Variants in HLCS observed in about 807,000 individuals in gnomAD.
HLCS encodes holocarboxylase synthetase.
In HLCS, 53 loss-of-function variants were observed where a neutral mutation model predicts 75.0. The ratio of observed to expected loss-of-function variants is 0.71; its 90% CI spans 0.57 to 0.89. HLCS has a LOEUF of 0.89. Ranked by LOEUF, HLCS falls within the 40% of genes least tolerant of loss-of-function variation. The probability of loss-of-function intolerance (pLI) is 0.00; values close to 1 mark genes in which losing one functional copy is unlikely to be tolerated. For missense variants in HLCS, 966 were observed against 1,074.0 expected, an observed-to-expected ratio of 0.90 and a Z score of 1.41; for synonymous variants, 431 against 428.6, an observed-to-expected ratio of 1.01 and a Z score of -0.07.
chr21:36,900,197 G>A lies in HLCS; in HGVS notation c.1621-3066C>T, dbSNP rs566788205. ...AATGTTAGAGAGTAACACGTACAAA[G>A]GAGGGACAAGAAAGCACAGAAGAGA... On this transcript the variant is annotated intron_variant, in intron 5 of 10. Coordinates refer to ENST00000674895, the MANE Select transcript of HLCS (RefSeq NM_001352514.2). 3.3e-5 allele frequency among the ~76,000 whole-genome samples: 5 copies of A among 152,268 alleles called. No individual in the cohort carries two copies. The South Asian group carries it at 1.0e-3, about 32-fold the overall frequency.
At chr21:36,881,396 G>A (rs1325874512) in intron 6 of HLCS, among the ~76,000 whole-genome samples, 7 of 152,160 alleles carry the variant, frequency 4.6e-5, no homozygotes, top group African/African-American at 9.7e-5. Flanking sequence ...GAACTCATTC[G>A]ACTTTCCCTG....
intron 5 of HLCS, among the ~76,000 whole-genome samples, chr21:36,927,298 G>A (rs1050193006): frequency 6.6e-6 from 1 of 152,154 alleles, no homozygotes; most frequent in African/African-American, 2.4e-5. Context: ...GTTTTATAGT[G>A]GGAATCACAC....
rs79380384 is a variant in HLCS at position 36,804,658 on chromosome 21, C to T, written c.1893-37373G>A. On this transcript the variant is annotated intron_variant, in intron 6 of 10. Transcript: ENST00000674895. ...CCTCCTGCCATCCCCATCTCTCTGACCCTCTGTGGTCCTCAAAGGGCATTT... is the reference window on the plus strand; with the variant it reads ...CCTCCTGCCATCCCCATCTCTCTGATCCTCTGTGGTCCTCAAAGGGCATTT... Among the ~76,000 whole-genome samples the T allele has an allele frequency of 5.6e-4, 86 of 152,264 alleles. No individual in the cohort carries two copies. In the East Asian group the frequency reaches 0.014, roughly 26 times the overall value.
At chr21:36,888,677 G>A (rs2146302346) in intron 6 of HLCS, among the ~76,000 whole-genome samples, 1 of 151,402 alleles carries the variant, frequency 6.6e-6, no homozygotes, top group Admixed American at 6.6e-5. Context: ...AGGCTCTGGC[G>A]TGGGCGCATC....
chr21:36,884,415 T>G (rs1453588730), intron 6 of HLCS, among the ~76,000 whole-genome samples: 1 of 152,364 alleles, frequency 6.6e-6, no homozygotes, highest in Non-Finnish European at 1.5e-5. Flanking sequence ...CAGCATCCCA[T>G]GCAGCCTTGC....
chr21:36,823,754 G>C (rs952894962), intron 6 of HLCS, among the ~76,000 whole-genome samples: 8 of 151,722 alleles, frequency 5.3e-5, no homozygotes, highest in African/African-American at 1.9e-4. Flanking sequence ...GACACAACTG[G>C]GTTTTGTATT....
chr21:36,866,594 G>A (rs2063564786), intron 6 of HLCS, among the ~76,000 whole-genome samples: 1 of 152,108 alleles, frequency 6.6e-6, no homozygotes, highest in East Asian at 1.9e-4. Flanking sequence ...TTCATGACTG[G>A]GCAAATTCAC....
chr21:36,774,433 T>C (rs1434189376), intron 6 of HLCS, among the ~76,000 whole-genome samples: 1 of 152,114 alleles, frequency 6.6e-6, no homozygotes, highest in African/African-American at 2.4e-5. Flanking sequence ...AATGGAACAT[T>C]TTGTGCAGTG....
chr21:36,953,246 G>A (rs964337731), intron 2 of HLCS, among the ~76,000 whole-genome samples: 5 of 152,182 alleles, frequency 3.3e-5, no homozygotes, highest in Non-Finnish European at 7.3e-5. Flanking sequence ...ACAGGCGGGA[G>A]CCACCATGCC....
intron 9 of HLCS, among the ~76,000 whole-genome samples, 190 bp downstream of exon 9, chr21:36,759,536 AC>A (rs2089743361): frequency 6.6e-6 from 1 of 152,234 alleles, no homozygotes; most frequent in South Asian, 2.1e-4. Context: ...GTGGTCACAC[AC>A]AGAAAATGCT....
intron 6 of HLCS, among the ~76,000 whole-genome samples, chr21:36,851,719 G>A (rs1197897183): frequency 1.3e-5 from 2 of 152,052 alleles, no homozygotes; most frequent in Non-Finnish European, 2.9e-5. Flanking sequence ...TTGAGGTGAT[G>A]GACACCCCAT....
chr21:36,773,188 A>G (rs2060260607), intron 6 of HLCS, among the ~76,000 whole-genome samples: 1 of 152,224 alleles, frequency 6.6e-6, no homozygotes, highest in African/African-American at 2.4e-5. Flanking sequence ...TTTAAGCCCA[A>G]CCTATCAGTG....
chr21:36,792,513 G>T (rs936190304), intron 6 of HLCS, among the ~76,000 whole-genome samples: 1 of 151,836 alleles, frequency 6.6e-6, no homozygotes, highest in African/African-American at 2.4e-5. Flanking sequence ...AGCGGGGGGA[G>T]GAGGAGGACG....
At chr21:36,897,170 G>T (rs778907331) in intron 5 of HLCS, 39 bp from the exon 6 acceptor site, 1 of 1,611,138 alleles carries the variant, frequency 6.2e-7, no homozygotes, top group Non-Finnish European at 8.5e-7. Context: ...TCGTAATTTG[G>T]CATTACATTA....
chr21:36,987,421 T>C (rs112704922), intron 1 of HLCS, among the ~76,000 whole-genome samples: 38,866 of 151,928 alleles, frequency 0.26, 5,144 homozygotes, highest in South Asian at 0.35. Flanking sequence ...GAGACCAGCA[T>C]GGCTAGCATG....
intron 6 of HLCS, among the ~76,000 whole-genome samples, chr21:36,802,480 C>G (rs1454597874): frequency 6.6e-6 from 1 of 152,198 alleles, no homozygotes; most frequent in African/African-American, 2.4e-5. Context: ...CGGCACTTTT[C>G]ACTATGTCTT....
intron 6 of HLCS, among the ~76,000 whole-genome samples, chr21:36,874,844 G>C (rs1024761797): frequency 1.3e-5 from 2 of 152,054 alleles, no homozygotes; most frequent in Non-Finnish European, 2.9e-5. Flanking sequence ...CACGGCTCTG[G>C]ACCCAGGCAT....
intron 6 of HLCS, among the ~76,000 whole-genome samples, chr21:36,807,195 G>A (rs1485766056): frequency 1.3e-5 from 2 of 152,088 alleles, no homozygotes; most frequent in East Asian, 1.9e-4. Flanking sequence ...AGAGGCTTAC[G>A]CAAGAGCATG....
At chr21:36,876,453 T>C (rs1315757829) in intron 6 of HLCS, among the ~76,000 whole-genome samples, 1 of 152,226 alleles carries the variant, frequency 6.6e-6, no homozygotes, top group African/African-American at 2.4e-5. Flanking sequence ...TTTCTCTACG[T>C]AGGTCTTATG....
Sources: allele counts gnomAD v4.1 joint callset (sites outside exome capture counted in the v4.1 genomes callset), GRCh38; gene constraint gnomAD v4.1.1; transcripts MANE v1.5; gene names NCBI Gene and HGNC (gene_info 2026-07-23, HGNC 2026-07-21).